GRID1: variants seen among roughly 807,000 people sequenced by gnomAD.
GRID1 encodes glutamate receptor ionotropic, delta-1.
In GRID1, 28 loss-of-function variants were observed where a neutral mutation model predicts 98.0. That is an observed-to-expected ratio of 0.29 (90% CI 0.21 to 0.39). GRID1 has a LOEUF of 0.39. Ranked by LOEUF, GRID1 falls within the 10% of genes least tolerant of loss-of-function variation. The pLI is 1.00. For missense variants in GRID1, 1,111 were observed against 1,340.5 expected, an observed-to-expected ratio of 0.83 and a Z score of 2.67; for synonymous variants, 553 against 538.5, an observed-to-expected ratio of 1.03 and a Z score of -0.37.
intron 5 of GRID1, among the ~76,000 whole-genome samples, chr10:85,912,299 A>G (rs1256045194): frequency 6.6e-6 from 1 of 152,216 alleles, no homozygotes; most frequent in Non-Finnish European, 1.5e-5. Context: ...AGCAGATATA[A>G]AAACACATCC....
At chr10:86,121,040 G>T (rs189519438) in intron 4 of GRID1, among the ~76,000 whole-genome samples, 261 of 152,272 alleles carry the variant, frequency 1.7e-3, no homozygotes, top group African/African-American at 5.8e-3. Flanking sequence ...TCCTCAAGTT[G>T]CATATCCCCT....
Position 85,761,625 on chromosome 10 carries a change from AAGG to A in GRID1, c.1234-32014_1234-32012del, listed in dbSNP as rs557531675. Among the ~76,000 whole-genome samples, 173 of 152,332 alleles carry A rather than the reference AAGG, an allele frequency of 1.1e-3. 7 individuals carry two copies. Among genetic ancestry groups the A allele is most frequent in the Admixed American group, 0.011 (171 of 15,304 alleles). On this transcript the variant is annotated intron_variant, in intron 8 of 15. Coordinates refer to ENST00000327946, the MANE Select transcript of GRID1 (RefSeq NM_017551.3). ...AGGCCCCTAAAGAAGAGGCAATGAC[AAGG>A]AGTTCTAAACGGTGCTAGCCAGCTT...
At chr10:86,226,356 T>TACCCTCACTCCCACCCCAGCAC (rs1846344942) in intron 2 of GRID1, among the ~76,000 whole-genome samples, 1 of 9,294 alleles carries the variant, frequency 1.1e-4, no homozygotes, top group African/African-American at 4.5e-4. Context: ...CACCCCAGCA[T>TACCCTCACTCCCACCCCAGCAC]ACCCTCCCAC....
intron 12 of GRID1, among the ~76,000 whole-genome samples, chr10:85,673,592 T>C (rs1246497338): frequency 6.6e-6 from 1 of 152,198 alleles, no homozygotes; most frequent in Non-Finnish European, 1.5e-5. Context: ...GCAAAAAGAT[T>C]ACAACTCACT....
intron 3 of GRID1, among the ~76,000 whole-genome samples, chr10:86,196,907 T>C (rs79939623): frequency 0.031 from 4,738 of 151,748 alleles, 153 homozygotes; most frequent in African/African-American, 0.058. Flanking sequence ...AAGAAACAAA[T>C]GCTTCTGGGC....
intron 8 of GRID1, among the ~76,000 whole-genome samples, chr10:85,761,544 C>G (rs1439861081): frequency 6.6e-6 from 1 of 152,182 alleles, no homozygotes; most frequent in Non-Finnish European, 1.5e-5. Context: ...GCAATTACAC[C>G]GTTGTGCTGT....
intron 3 of GRID1, among the ~76,000 whole-genome samples, chr10:86,154,680 T>G (rs1845219555): frequency 1.3e-5 from 2 of 152,166 alleles, no homozygotes; most frequent in South Asian, 4.1e-4. Flanking sequence ...ATGTTCAAAT[T>G]AATTACAGAA....
intron 4 of GRID1, among the ~76,000 whole-genome samples, chr10:85,972,863 T>C (rs1842425570): frequency 6.6e-6 from 1 of 152,214 alleles, no homozygotes; most frequent in South Asian, 2.1e-4. Context: ...CAACCAGCAA[T>C]GTATAAAGTC....
chr10:85,753,019 AC>A lies in GRID1; in HGVS notation c.1234-23406del, dbSNP rs372482949. ...TTTTCCCTCGGGTATCTCATGTCCC[AC>A]ACTTCAGTGCTGCTGAGAGTGTGAT... On this transcript the variant is annotated intron_variant, in intron 8 of 15. Transcript: ENST00000327946. Among the ~76,000 whole-genome samples, 64 of 152,338 alleles carry A rather than the reference AC, an allele frequency of 4.2e-4. No homozygotes were observed. The East Asian group carries it at 0.012, about 28-fold the overall frequency.
intron 2 of GRID1, among the ~76,000 whole-genome samples, chr10:86,240,601 G>C (rs1239603593): frequency 6.6e-6 from 1 of 151,378 alleles, no homozygotes; most frequent in African/African-American, 2.4e-5. Flanking sequence ...GGGGGCGGGG[G>C]TGGGCAGGGC....
At chr10:86,281,958 CT>C (rs1252556581) in intron 2 of GRID1, among the ~76,000 whole-genome samples, 5 of 152,150 alleles carry the variant, frequency 3.3e-5, no homozygotes, top group Non-Finnish European at 7.3e-5. Flanking sequence ...AATGCCACTC[CT>C]TCCCATACTC....
intron 5 of GRID1, among the ~76,000 whole-genome samples, chr10:85,888,773 A>G (rs115214663): frequency 3.4e-4 from 51 of 149,634 alleles, no homozygotes; most frequent in African/African-American, 1.2e-3. Context: ...TTTGTCTCTC[A>G]CTCTTCCTCC....
In GRID1 at chr10:85,687,710, CAG is replaced by C. The variant is rs1841285638; in HGVS notation, c.1997+35291_1997+35292del. ...GCAATAAAGTACAACATGGCAGAAA[CAG>C]AGAGTATGAGACGAGGGATTTTAAA... On this transcript the variant is annotated intron_variant, in intron 12 of 15. Coordinates refer to ENST00000327946, the MANE Select transcript of GRID1 (RefSeq NM_017551.3). 2.6e-5 allele frequency among the ~76,000 whole-genome samples: 4 copies of C among 151,864 alleles called. No individual in the cohort carries two copies. In the South Asian group the frequency reaches 6.2e-4, roughly 24 times the overall value.
chr10:86,227,531 C>A (rs1846373239), intron 2 of GRID1, among the ~76,000 whole-genome samples: 1 of 152,194 alleles, frequency 6.6e-6, no homozygotes. Flanking sequence ...TCTCACAGAA[C>A]TAGCAGCCAG....
At chr10:85,732,802 A>G (rs1188013609) in intron 8 of GRID1, among the ~76,000 whole-genome samples, 1 of 152,192 alleles carries the variant, frequency 6.6e-6, no homozygotes, top group African/African-American at 2.4e-5. Context: ...AGCTTGGCCT[A>G]AAAGAAAAGC....
chr10:86,131,287 C>G (rs939888040), intron 4 of GRID1, among the ~76,000 whole-genome samples: 18 of 152,274 alleles, frequency 1.2e-4, no homozygotes, highest in South Asian at 8.3e-4. Context: ...GAGGCCCCCC[C>G]AAGGCTGAAC....
chr10:86,281,547 G>A (rs954721996), intron 2 of GRID1, among the ~76,000 whole-genome samples: 1 of 152,196 alleles, frequency 6.6e-6, no homozygotes. Flanking sequence ...AAATCAGCAT[G>A]GGGAACTATG....
Position 85,653,593 on chromosome 10 carries a change from G to A in GRID1, c.1998-6196C>T, listed in dbSNP as rs181891835. Among the ~76,000 whole-genome samples the A allele has an allele frequency of 9.9e-5, 15 of 152,276 alleles. No individual in the cohort carries two copies. The East Asian group carries it at 1.4e-3, about 14-fold the overall frequency. ...GAGCTGTGGTTAGAATACTGTCTCC[G>A]CCAAAACTCATATTGAAACTTAATA... On this transcript the variant is annotated intron_variant, in intron 12 of 15. Coordinates refer to ENST00000327946, the MANE Select transcript of GRID1 (RefSeq NM_017551.3).
At chr10:85,619,758 T>G in intron 14 of GRID1, 109 bp downstream of exon 14, 1 of 824,380 alleles carries the variant, frequency 1.2e-6, no homozygotes, top group Non-Finnish European at 1.9e-6. Flanking sequence ...TGGGAAAATA[T>G]GACGAACAAA....
Sources: gnomAD v4.1 joint callset for allele counts (sites outside exome capture counted in the v4.1 genomes callset) on GRCh38, gnomAD v4.1.1 for gene constraint, MANE v1.5 for transcripts, NCBI Gene and HGNC (gene_info 2026-07-23, HGNC 2026-07-21) for gene names.